The following KIF24 variants were observed in gnomAD, a reference collection of about 807,000 sequenced individuals.
The protein encoded by KIF24 is kinesin family member 24, also known as kinesin-like protein KIF24.
Under a neutral mutation model 118.9 loss-of-function variants are expected in KIF24, and 81 were observed. That is an observed-to-expected ratio of 0.68 (90% CI 0.57 to 0.82). KIF24 has a LOEUF of 0.82. Ranked by LOEUF, KIF24 falls within the 40% of genes least tolerant of loss-of-function variation. The probability of loss-of-function intolerance (pLI) is 0.00; values close to 1 mark genes in which losing one functional copy is unlikely to be tolerated. For missense variants in KIF24, 1,560 were observed against 1,661.6 expected (o/e 0.94, Z 1.06); for synonymous variants, 599 against 610.0 (o/e 0.98, Z 0.27).
upstream of KIF24, among the ~76,000 whole-genome samples, chr9:34,330,906 A>G (rs1837906693): frequency 6.6e-6 from 1 of 152,024 alleles, no homozygotes; most frequent in Non-Finnish European, 1.5e-5. Context: ...GTTTGCAGAG[A>G]GCAGAGATCG....
chr9:34,295,367 C>T (rs1324697339), intron 4 of KIF24, among the ~76,000 whole-genome samples: 1 of 151,970 alleles, frequency 6.6e-6, no homozygotes, highest in Non-Finnish European at 1.5e-5. Flanking sequence ...ATCACCATGC[C>T]TGGCTAATTA....
At chr9:34,287,060 G>A (rs556219197) in intron 5 of KIF24, among the ~76,000 whole-genome samples, 2 of 152,292 alleles carry the variant, frequency 1.3e-5, no homozygotes, top group African/African-American at 2.4e-5. Flanking sequence ...GTTGTTAGAT[G>A]CCTGGTGAAG....
At chr9:34,315,972 T>C (rs1465849015) in intron 1 of KIF24, among the ~76,000 whole-genome samples, 1 of 150,666 alleles carries the variant, frequency 6.6e-6, no homozygotes, top group African/African-American at 2.5e-5. Flanking sequence ...GAGGGTGCAG[T>C]GAGCTGAGAT....
intron 1 of KIF24, among the ~76,000 whole-genome samples, chr9:34,325,583 A>G (rs1837647965): frequency 6.7e-6 from 1 of 149,698 alleles, no homozygotes; most frequent in Non-Finnish European, 1.5e-5. Flanking sequence ...AATCCCAGCT[A>G]CTCAGGAGGC....
intron 6 of KIF24, among the ~76,000 whole-genome samples, chr9:34,281,305 C>T (rs1315694340): frequency 5.3e-5 from 8 of 152,066 alleles, no homozygotes; most frequent in South Asian, 2.1e-4. Context: ...GAATTACAGG[C>T]GTAAGCCACC....
chr9:34,285,944 A>AG (rs896732330), intron 6 of KIF24, among the ~76,000 whole-genome samples: 1 of 151,028 alleles, frequency 6.6e-6, no homozygotes, highest in Non-Finnish European at 1.5e-5. Context: ...AAAAAAAAAA[A>AG]AAAAAAGTAA....
intron 8 of KIF24, among the ~76,000 whole-genome samples, chr9:34,264,233 C>A (rs1047417697): frequency 2.0e-5 from 3 of 151,106 alleles, no homozygotes; most frequent in African/African-American, 7.3e-5. Context: ...ACCAGCTTGG[C>A]CAACATGGTG....
intron 6 of KIF24, among the ~76,000 whole-genome samples, chr9:34,279,303 A>C (rs1054125309): frequency 6.6e-6 from 1 of 152,226 alleles, no homozygotes; most frequent in Non-Finnish European, 1.5e-5. Flanking sequence ...GGATGTGCTT[A>C]AGGATACATG....
chr9:34,306,224 T>C (rs1836909355), intron 3 of KIF24, 28 bp downstream of exon 3: 2 of 1,480,472 alleles, frequency 1.4e-6, no homozygotes. Flanking sequence ...ATAATATTAG[T>C]TCCAAACATA....
intron 4 of KIF24, among the ~76,000 whole-genome samples, chr9:34,296,150 CAGAGCTTGCAGTGCACCGAGGT>C (rs1450414414): frequency 2.2e-4 from 31 of 142,944 alleles, no homozygotes; most frequent in African/African-American, 7.3e-4. Flanking sequence ...ACCCGGGAGG[CAGAGCTTGCAGTGCACCGAGGT>C]GGCGCCACTG....
intron 5 of KIF24, among the ~76,000 whole-genome samples, chr9:34,288,203 T>C (rs1010715232): frequency 1.3e-5 from 2 of 152,098 alleles, no homozygotes; most frequent in Non-Finnish European, 2.9e-5. Flanking sequence ...ATTTAAAAAT[T>C]GGTCAGGCAC....
rs768416648 is a variant in KIF24 at position 34,252,763 on chromosome 9, T to C, written c.*1617A>G. On this transcript the variant is annotated 3_prime_UTR_variant, in exon 13 of 13. Coordinates refer to ENST00000402558, the MANE Select transcript of KIF24 (RefSeq NM_194313.4). ...CGTCTGTGGACCAAGGACGTAGGCC[T>C]TCCTGACTGTGGAGTTGGGATAGGC... 2.6e-5 allele frequency: 4 copies of C among 152,188 alleles called. No individual in the cohort carries two copies. The highest frequency in any genetic ancestry group is 7.2e-5 in the African/African-American group (3 of 41,442). The allele number at this position is 152,188 out of a possible 1,614,324, so 9.4% of individuals were successfully genotyped here.
At chr9:34,330,885 C>G (rs879593899), upstream of KIF24, among the ~76,000 whole-genome samples, 4 of 151,884 alleles carry the variant, frequency 2.6e-5, no homozygotes, top group Admixed American at 2.0e-4. Flanking sequence ...GGCACGAACC[C>G]GGGAGGCGGA....
chr9:34,330,308 G>A (rs1837865692), upstream of KIF24, among the ~76,000 whole-genome samples: 1 of 152,226 alleles, frequency 6.6e-6, no homozygotes, highest in African/African-American at 2.4e-5. Flanking sequence ...GGGAGGCTGA[G>A]GCAGGAGAAT....
chr9:34,268,633 G>A (rs1835384693), intron 8 of KIF24, among the ~76,000 whole-genome samples: 1 of 151,122 alleles, frequency 6.6e-6, no homozygotes, highest in South Asian at 2.1e-4. Context: ...TCAGCCTCCT[G>A]AGTAGCTGGA....
At chr9:34,305,365 C>T (rs888938652) in intron 3 of KIF24, among the ~76,000 whole-genome samples, 3 of 152,126 alleles carry the variant, frequency 2.0e-5, no homozygotes, top group Admixed American at 1.3e-4. Flanking sequence ...GCCCAATTTT[C>T]GCCAATTAAG....
intron 1 of KIF24, among the ~76,000 whole-genome samples, chr9:34,324,961 G>A (rs186111377): frequency 6.2e-4 from 94 of 151,986 alleles, no homozygotes; most frequent in Non-Finnish European, 1.0e-3. Flanking sequence ...TATTATTACA[G>A]TTAATTATAT....
In KIF24 at chr9:34,313,738, G is replaced by GT. The variant is rs5897567; in HGVS notation, c.-25-2368dup. On this transcript the variant is annotated intron_variant, in intron 1 of 12. Coordinates refer to ENST00000402558, the MANE Select transcript of KIF24 (RefSeq NM_194313.4). ...ACATGTATAGCTTCCCCCGTTATCT[G>GT]TTTTTTTTTTTTTGTTTTTTTTTTT... Among the ~76,000 whole-genome samples, 305 of 130,282 alleles carry GT rather than the reference G, an allele frequency of 2.3e-3. 2 individuals carry two copies. Among genetic ancestry groups the GT allele is most frequent in the African/African-American group, 5.0e-3 (184 of 36,444 alleles). 85.5% of individuals were successfully genotyped at this position (130,282 alleles called of 152,430 possible).
intron 5 of KIF24, among the ~76,000 whole-genome samples, chr9:34,289,092 C>T (rs1836159193): frequency 6.6e-6 from 1 of 152,136 alleles, no homozygotes. Context: ...TTTTATTTCG[C>T]AGTTGTTTGG....
Sources: allele counts gnomAD v4.1 joint callset (sites outside exome capture counted in the v4.1 genomes callset), GRCh38; gene constraint gnomAD v4.1.1; transcripts MANE v1.5; gene names NCBI Gene and HGNC (gene_info 2026-07-23, HGNC 2026-07-21).